Variants in ULK4 observed in about 807,000 individuals in gnomAD.
ULK4 encodes inactive serine/threonine-protein kinase ULK4.
ULK4 carries 133 observed loss-of-function variants against 160.6 expected under a neutral mutation model. That is an observed-to-expected ratio of 0.83 (90% confidence interval 0.72 to 0.96). The LOEUF (loss-of-function observed/expected upper bound fraction) is 0.96. Among genes scored for constraint, ULK4 ranks in the 40% least tolerant of loss-of-function variants. The pLI, the probability that ULK4 is intolerant of heterozygous loss-of-function variation, is 0.00. For synonymous variants in ULK4, 534 were observed against 539.8 expected (o/e 0.99, Z 0.15); for missense variants, 1,580 against 1,499.5 (o/e 1.05, Z -0.89).
chr3:41,317,266 G>C (rs994098194), intron 35 of ULK4, among the ~76,000 whole-genome samples: 4 of 151,590 alleles, frequency 2.6e-5, no homozygotes, highest in African/African-American at 9.7e-5. Context: ...TAGTAGAGAC[G>C]GGGTTTCACC....
At chr3:41,871,159 G>A (rs9815354) in intron 17 of ULK4, among the ~76,000 whole-genome samples, 27,309 of 152,012 alleles carry the variant, frequency 0.18, 2,525 homozygotes, top group Middle Eastern at 0.32. Flanking sequence ...CTTCATATCA[G>A]CATAAGAATG....
intron 35 of ULK4, among the ~76,000 whole-genome samples, chr3:41,330,496 C>T (rs987610664): frequency 1.3e-5 from 2 of 152,180 alleles, no homozygotes; most frequent in African/African-American, 4.8e-5. Context: ...GATTCAGGGA[C>T]ACCAATGGAG....
intron 5 of ULK4, among the ~76,000 whole-genome samples, chr3:41,931,135 A>G (rs1282695368): frequency 3.3e-5 from 5 of 152,196 alleles, no homozygotes; most frequent in Non-Finnish European, 4.4e-5. Context: ...TATACACCAC[A>G]GAATACTATG....
intron 2 of ULK4, among the ~76,000 whole-genome samples, chr3:41,953,655 T>G (rs933680536): frequency 6.6e-6 from 1 of 152,164 alleles, no homozygotes; most frequent in African/African-American, 2.4e-5. Flanking sequence ...CAAGTCATTA[T>G]CACCCAGTGT....
intron 30 of ULK4, among the ~76,000 whole-genome samples, chr3:41,637,411 A>G (rs374274342): frequency 2.0e-5 from 3 of 152,178 alleles, no homozygotes; most frequent in East Asian, 3.8e-4. Context: ...TCTATTGTGT[A>G]TATCTACCAC....
intron 31 of ULK4, among the ~76,000 whole-genome samples, chr3:41,579,654 C>T (rs926464674): frequency 5.3e-5 from 8 of 151,816 alleles, no homozygotes; most frequent in African/African-American, 9.7e-5. Context: ...CCTCCATGCC[C>T]GGCTAATTTT....
chr3:41,922,013 CATGGTAGT>C (rs1699202290), intron 5 of ULK4, among the ~76,000 whole-genome samples: 1 of 151,948 alleles, frequency 6.6e-6, no homozygotes, highest in Non-Finnish European at 1.5e-5. Context: ...ATCAGCTAGG[CATGGTAGT>C]GCATGCCTGT....
chr3:41,815,338 G>A (rs1412613871), intron 19 of ULK4, among the ~76,000 whole-genome samples: 4 of 152,002 alleles, frequency 2.6e-5, no homozygotes, highest in African/African-American at 4.8e-5. Flanking sequence ...ATTTCTTCGT[G>A]TCTTTTTTGT....
At chr3:41,526,127 TG>T (rs1431221522) in intron 32 of ULK4, among the ~76,000 whole-genome samples, 2 of 152,202 alleles carry the variant, frequency 1.3e-5, no homozygotes, top group African/African-American at 2.4e-5. Flanking sequence ...AACCTCTCAT[TG>T]AACTCTTTTT....
chr3:41,720,409 T>C (rs548014912), intron 22 of ULK4, among the ~76,000 whole-genome samples: 1 of 135,156 alleles, frequency 7.4e-6, no homozygotes, highest in Non-Finnish European at 1.5e-5. Flanking sequence ...ATACCGCATA[T>C]AAAAAGCTAA....
intron 35 of ULK4, among the ~76,000 whole-genome samples, chr3:41,383,839 G>A (rs1359321393): frequency 6.6e-6 from 1 of 152,138 alleles, no homozygotes; most frequent in Non-Finnish European, 1.5e-5. Flanking sequence ...AGTATTCTCA[G>A]CAACTCTTCT....
At chr3:41,833,347 G>T (rs1318707772) in intron 18 of ULK4, among the ~76,000 whole-genome samples, 1 of 151,262 alleles carries the variant, frequency 6.6e-6, no homozygotes, top group African/African-American at 2.4e-5. Context: ...CCAGGCTGGA[G>T]GGCAGTGGCG....
chr3:41,306,362 C>T (rs2079934148), intron 35 of ULK4, among the ~76,000 whole-genome samples: 1 of 136,750 alleles, frequency 7.3e-6, no homozygotes, highest in Non-Finnish European at 1.5e-5. Flanking sequence ...GGTCAGCCCC[C>T]CGCCCAGCCA....
intron 35 of ULK4, among the ~76,000 whole-genome samples, chr3:41,272,982 T>C (rs2125687691): frequency 6.6e-6 from 1 of 152,338 alleles, no homozygotes; most frequent in South Asian, 2.1e-4. Context: ...GGAATAGAGT[T>C]GTAACTTTTA....
intron 30 of ULK4, among the ~76,000 whole-genome samples, chr3:41,640,673 A>C (rs1223374903): frequency 6.6e-6 from 1 of 152,194 alleles, no homozygotes; most frequent in Non-Finnish European, 1.5e-5. Context: ...AAATATGGCC[A>C]AAGGCATAGT....
chr3:41,863,410 A>T (rs28845302), intron 17 of ULK4, among the ~76,000 whole-genome samples: 8,393 of 151,570 alleles, frequency 0.055, 419 homozygotes, highest in East Asian at 0.16. Context: ...GAAATCAGAG[A>T]TCCCAAGAGC....
At chr3:41,935,688 A>G in intron 4 of ULK4, 113 bp downstream of exon 4, 6 of 1,290,320 alleles carry the variant, frequency 4.7e-6, no homozygotes, top group Non-Finnish European at 6.3e-6. Flanking sequence ...AAGATTAACT[A>G]AAATTTCAAG....
intron 17 of ULK4, chr3:41,859,662 TTTTG>T (rs2042451648): frequency 2.8e-6 from 1 of 361,952 alleles, no homozygotes; most frequent in Non-Finnish European, 5.2e-6. Flanking sequence ...TTTTTGTTTG[TTTTG>T]TTTGTTTTTT....
intron 35 of ULK4, among the ~76,000 whole-genome samples, chr3:41,315,524 G>A (rs187081831): frequency 3.3e-5 from 5 of 152,298 alleles, no homozygotes; most frequent in East Asian, 3.9e-4. Flanking sequence ...TGTCTTAAGC[G>A]CATACAGCAA....
Sources: allele counts gnomAD v4.1 joint callset (sites outside exome capture counted in the v4.1 genomes callset), GRCh38; gene constraint gnomAD v4.1.1; transcripts MANE v1.5; gene names NCBI Gene and HGNC (gene_info 2026-07-23, HGNC 2026-07-21).